Variants in STAG2 observed in about 807,000 individuals in gnomAD.
STAG2 encodes STAG2 cohesin complex component, also known as cohesin subunit SA-2.
STAG2 carries 14 observed loss-of-function variants against 108.1 expected under a neutral mutation model. The ratio of observed to expected loss-of-function variants is 0.13; its 90% CI spans 0.09 to 0.20. The LOEUF (loss-of-function observed/expected upper bound fraction) is 0.20. Among genes scored for constraint, STAG2 ranks in the 10% least tolerant of loss-of-function variants. The pLI is 1.00. For synonymous variants in STAG2, 307 were observed against 302.7 expected, an observed-to-expected ratio of 1.01 and a Z score of -0.15; for missense variants, 440 against 940.9, an observed-to-expected ratio of 0.47 and a Z score of 6.96.
At chrX:123,960,602 CAAAA>C (rs1208693829), upstream of STAG2, 1 of 7,009 alleles carries the variant, frequency 1.4e-4, no homozygotes, top group Non-Finnish European at 2.4e-4. Context: ...GAAGCGCCAC[CAAAA>C]AAAAAAAAAA....
chrX:123,996,704 C>T (rs1367476845), intron 1 of STAG2, among the ~76,000 whole-genome samples: 3 of 111,743 alleles, frequency 2.7e-5, no homozygotes, highest in African/African-American at 6.5e-5. Flanking sequence ...GAGATTCATC[C>T]GGGGTGTTGT....
rs1431737462 is a variant in STAG2 at position 123,987,254 on chromosome X, T to G, written c.-163+25398T>G. 2.7e-5 allele frequency among the ~76,000 whole-genome samples: 3 copies of G among 110,097 alleles called. No homozygotes were observed. In the Admixed American group the frequency reaches 2.9e-4, roughly 11 times the overall value. ...ATCCACCCACCTCAGCCTCCCAAAGTGCTGGGATTACAGGCGTGAGCCACC... is the reference window on the plus strand; with the variant it reads ...ATCCACCCACCTCAGCCTCCCAAAGGGCTGGGATTACAGGCGTGAGCCACC... On this transcript the variant is annotated intron_variant, in intron 1 of 34. Transcript: ENST00000371145.
chrX:123,976,648 C>T (rs759881002), intron 1 of STAG2, among the ~76,000 whole-genome samples: 8 of 111,543 alleles, frequency 7.2e-5, no homozygotes, highest in Non-Finnish European at 1.3e-4. Flanking sequence ...AAGTTTGTAT[C>T]GACAGGATAC....
At chrX:123,963,180 C>G (rs1006635396) in intron 1 of STAG2, 1 of 111,561 alleles carries the variant, frequency 9.0e-6, no homozygotes, top group South Asian at 3.7e-4. Context: ...ATTCCTGGCT[C>G]TAGCAGGGCC....
chrX:124,068,570 TTGC>T lies in STAG2; in HGVS notation c.2276_2278del (p.Leu759del). On this transcript the variant is annotated inframe_deletion, in exon 24 of 35. Coordinates refer to ENST00000371145, the MANE Select transcript of STAG2 (RefSeq NM_001042750.2). ...AATGTTAAATTTTTTCAAGGAGGAC[TTGC>T]TGCGTTTAAAGAAACAAATGAGAGT... 1 of 1,185,350 alleles carries T rather than the reference TTGC, an allele frequency of 8.4e-7. No individual in the cohort carries two copies. The highest frequency in any genetic ancestry group is 1.1e-6 in the Non-Finnish European group (1 of 885,324).
intron 26 of STAG2, among the ~76,000 whole-genome samples, 199 bp from the exon 27 acceptor site, chrX:124,077,758 A>T (rs2058837269): frequency 9.0e-6 from 1 of 111,715 alleles, no homozygotes. Context: ...ACTGTTTTGT[A>T]TATATGATTT....
intron 30 of STAG2, among the ~76,000 whole-genome samples, chrX:124,089,201 G>A (rs749664661): frequency 9.8e-5 from 11 of 111,742 alleles, no homozygotes; most frequent in African/African-American, 3.2e-4. Context: ...GAGCCACTAC[G>A]CCTGGCCTCA....
rs1272433053 is a variant in STAG2 at position 124,044,818 on chromosome X, TTTTGG to T, written c.463-335_463-331del. Among the ~76,000 whole-genome samples, 11 of 112,076 alleles carry T rather than the reference TTTTGG, an allele frequency of 9.8e-5. No homozygotes were observed. The Admixed American group carries it at 1.0e-3, about 11-fold the overall frequency. On this transcript the variant is annotated intron_variant, in intron 7 of 34. Coordinates refer to ENST00000371145, the MANE Select transcript of STAG2 (RefSeq NM_001042750.2). ...ATTTTGAATCCATTTAAAAATATAATTTTGGTTTGGTTTGGGTTTGCTTTTGCTTT... is the reference window on the plus strand; with the variant it reads ...ATTTTGAATCCATTTAAAAATATAATTTTGGTTTGGGTTTGCTTTTGCTTT...
In STAG2 at chrX:124,041,449, A is replaced by G. The variant is rs766630317; in HGVS notation, c.386-1120A>G. 6.3e-5 allele frequency among the ~76,000 whole-genome samples: 7 copies of G among 110,400 alleles called. No homozygotes were observed. In the South Asian group the frequency reaches 2.3e-3, roughly 37 times the overall value. On this transcript the variant is annotated intron_variant, in intron 6 of 34. Coordinates refer to ENST00000371145, the MANE Select transcript of STAG2 (RefSeq NM_001042750.2). ...CGCGCGCACACACACAGATGCATGC[A>G]TATACAAAATATTGCTCTGGTCAAT...
intron 2 of STAG2, among the ~76,000 whole-genome samples, chrX:124,021,705 A>G (rs73212924): frequency 0.16 from 17,876 of 111,217 alleles, 1,177 homozygotes; most frequent in South Asian, 0.36. Flanking sequence ...TCTCTTCTCA[A>G]CAAAGTTTGT....
chrX:124,042,619 C>A lies in STAG2; in HGVS notation c.436C>A (p.Arg146=), dbSNP rs2057753419. The part of the protein sequence containing the change: ...FRHMQNSEII[R]KMTEEFDEDS... Reference sequence around the variant, plus strand: ...ACATATGCAGAACTCTGAGATAATTCGAAAAATGACTGAAGAATTCGATGA... The same window carrying A: ...ACATATGCAGAACTCTGAGATAATTAGAAAAATGACTGAAGAATTCGATGA... Residue 146 remains arginine (R), a synonymous_variant, in exon 7 of 35, where the codon CGA becomes AGA. Coordinates refer to ENST00000371145, the MANE Select transcript of STAG2 (RefSeq NM_001042750.2). 8.4e-7 allele frequency: 1 copy of A among 1,196,209 alleles called. No homozygotes were observed. The highest frequency in any genetic ancestry group is 1.1e-6 in the Non-Finnish European group (1 of 881,928).
chrX:124,083,488 G>T lies in STAG2; in HGVS notation c.2992G>T (p.Ala998Ser), dbSNP rs2148446074. 1 of 1,197,670 alleles carries T rather than the reference G, an allele frequency of 8.3e-7. No homozygotes were observed. The highest frequency in any genetic ancestry group is 3.0e-5 in the East Asian group (1 of 33,233). The change falls in exon 29 of 35, where the codon GCA becomes TCA. Residue 998 changes from alanine (A) to serine (S), a missense_variant. Around this residue, in one of 3 missense-constraint regions of STAG2, gnomAD observed 337 missense variants for 649.3 expected, o/e 0.52. Coordinates refer to ENST00000371145, the MANE Select transcript of STAG2 (RefSeq NM_001042750.2). ...GGAGAGCCATCCACCTTTAAATTTG[G>T]CATTTCTTGATATTCTGAGTGAATT... Reference protein sequence around the residue: ...QGESHPPLNLAFLDILSEFSS... With the variant: ...QGESHPPLNLSFLDILSEFSS...
At chrX:123,985,610 C>T (rs751957928) in intron 1 of STAG2, among the ~76,000 whole-genome samples, 1 of 109,582 alleles carries the variant, frequency 9.1e-6, no homozygotes, top group Admixed American at 9.9e-5. Flanking sequence ...GCTCTGTTGC[C>T]CAGACTGGAA....
Position 124,050,319 on chromosome X carries a change from GC to G in STAG2, c.1017+13del, listed in dbSNP as rs781436338. Reference sequence around the variant, plus strand: ...GACTATGCATGATAAGGTAAGATGTGCCCTTCAGACTGCTTCTTTCTACACA... The same window carrying G: ...GACTATGCATGATAAGGTAAGATGTGCCTTCAGACTGCTTCTTTCTACACA... On this transcript the variant is annotated intron_variant, in intron 11 of 34. Transcript: ENST00000371145. The G allele has an allele frequency of 3.3e-6, 4 of 1,195,635 alleles. No individual in the cohort carries two copies. Among genetic ancestry groups the G allele is most frequent in the Non-Finnish European group, 4.5e-6 (4 of 887,368 alleles).
intron 24 of STAG2, 64 bp downstream of exon 24, chrX:124,068,720 A>G (rs2058597145): frequency 1.3e-6 from 1 of 789,076 alleles, no homozygotes; most frequent in Non-Finnish European, 1.8e-6. Context: ...GAACTAATGT[A>G]GAAAGTTTAA....
At chrX:124,010,611 C>T (rs1308011280) in intron 1 of STAG2, among the ~76,000 whole-genome samples, 2 of 111,321 alleles carry the variant, frequency 1.8e-5, no homozygotes, top group East Asian at 2.8e-4. Flanking sequence ...CACTTAGTGC[C>T]GTTCTTAGGT....
intron 33 of STAG2, among the ~76,000 whole-genome samples, chrX:124,094,571 G>T (rs1351325031): frequency 8.9e-6 from 1 of 111,761 alleles, no homozygotes; most frequent in African/African-American, 3.2e-5. Flanking sequence ...CTTAAACTTG[G>T]AAGGAAATTA....
chrX:124,079,786 T>C (rs1167889014), intron 27 of STAG2, among the ~76,000 whole-genome samples: 1 of 112,591 alleles, frequency 8.9e-6, no homozygotes, highest in Non-Finnish European at 1.9e-5. Context: ...ACCTTTTTGT[T>C]TTTTGATGGC....
At chrX:124,001,685 C>G (rs187988394) in intron 1 of STAG2, among the ~76,000 whole-genome samples, 2 of 111,833 alleles carry the variant, frequency 1.8e-5, no homozygotes, top group Admixed American at 1.9e-4. Context: ...CAGTAACATA[C>G]TGTATAGGTT....
Sources: allele counts gnomAD v4.1 joint callset (sites outside exome capture counted in the v4.1 genomes callset), GRCh38; gene constraint gnomAD v4.1.1; regional missense constraint gnomAD v4.1.1; transcripts MANE v1.5; gene names NCBI Gene and HGNC (gene_info 2026-07-23, HGNC 2026-07-21).